IQGAP2: variants seen among roughly 807,000 people sequenced by gnomAD.
IQGAP2 encodes IQ motif containing GTPase activating protein 2.
A neutral mutation model predicts 201.3 loss-of-function variants in IQGAP2; 173 were observed. The ratio of observed to expected loss-of-function variants is 0.86; its 90% CI spans 0.76 to 0.98. IQGAP2 has a LOEUF of 0.98. Among genes scored for constraint, IQGAP2 ranks in the 50% least tolerant of loss-of-function variants. The pLI is 0.00. For missense variants in IQGAP2, 1,687 were observed against 1,864.8 expected (o/e 0.90, Z 1.76); for synonymous variants, 675 against 673.9 (o/e 1.00, Z -0.03).
chr5:76,553,073 G>T (rs1344032916), intron 2 of IQGAP2, among the ~76,000 whole-genome samples: 1 of 152,148 alleles, frequency 6.6e-6, no homozygotes, highest in Non-Finnish European at 1.5e-5. Context: ...GTTTTGCAGG[G>T]TGGGTTCCTA....
At chr5:76,503,853 A>G (rs1273232641) in intron 2 of IQGAP2, among the ~76,000 whole-genome samples, 1 of 152,144 alleles carries the variant, frequency 6.6e-6, no homozygotes, top group Non-Finnish European at 1.5e-5. Context: ...TCAGCCTCCC[A>G]AAGTGCTGGG....
At chr5:76,512,117 G>A (rs1758004193) in intron 2 of IQGAP2, among the ~76,000 whole-genome samples, 1 of 152,152 alleles carries the variant, frequency 6.6e-6, no homozygotes, top group Non-Finnish European at 1.5e-5. Flanking sequence ...TGCAGTAACA[G>A]GGAAACTGAG....
intron 20 of IQGAP2, among the ~76,000 whole-genome samples, chr5:76,657,716 A>G (rs907923355): frequency 6.6e-6 from 1 of 152,152 alleles, no homozygotes; most frequent in Non-Finnish European, 1.5e-5. Context: ...TTTTTCCAAG[A>G]GTCAGAGTGC....
chr5:76,592,881 T>G lies in IQGAP2; in HGVS notation c.863T>G (p.Leu288Arg). The G allele has an allele frequency of 6.2e-7, 1 of 1,612,956 alleles. No homozygotes were observed. The change falls in exon 9 of 36, where the codon CTG becomes CGG. Residue 288 changes from leucine to arginine, a missense_variant. Coordinates refer to ENST00000274364, the MANE Select transcript of IQGAP2 (RefSeq NM_006633.5). ...SEEERDAYEELLTQAEIQGNI... is the reference protein window; with the variant it reads ...SEEERDAYEERLTQAEIQGNI... ...GAAGAAAGAGATGCTTATGAAGAACTGCTGACACAAGCAGAAATCCAAGGC... is the reference window on the plus strand; with the variant it reads ...GAAGAAAGAGATGCTTATGAAGAACGGCTGACACAAGCAGAAATCCAAGGC...
intron 1 of IQGAP2, among the ~76,000 whole-genome samples, chr5:76,405,682 A>G (rs1159098348): frequency 6.6e-6 from 1 of 152,154 alleles, no homozygotes; most frequent in Non-Finnish European, 1.5e-5. Flanking sequence ...GAAGAGGGCT[A>G]TTTGGTGTGT....
At chr5:76,444,109 G>A (rs749647338) in intron 1 of IQGAP2, among the ~76,000 whole-genome samples, 5 of 152,096 alleles carry the variant, frequency 3.3e-5, no homozygotes, top group Non-Finnish European at 7.4e-5. Context: ...CAATAGGCTG[G>A]GTGCGATGGC....
intron 14 of IQGAP2, 102 bp downstream of exon 14, chr5:76,627,602 C>G: frequency 1.4e-6 from 1 of 720,180 alleles, no homozygotes. Flanking sequence ...GGATTCTTAC[C>G]AAGTTTTAGT....
chr5:76,663,233 T>TAG (rs1015223649), intron 21 of IQGAP2, among the ~76,000 whole-genome samples: 8 of 152,170 alleles, frequency 5.3e-5, no homozygotes, highest in Admixed American at 5.2e-4. Flanking sequence ...GCCAGGGTGA[T>TAG]AGACGCTGGT....
At chr5:76,434,280 G>A (rs1435807170) in intron 1 of IQGAP2, among the ~76,000 whole-genome samples, 1 of 152,118 alleles carries the variant, frequency 6.6e-6, no homozygotes, top group East Asian at 1.9e-4. Flanking sequence ...GATTTTTAGT[G>A]TGCTTGTCAC....
At chr5:76,697,245 T>C (rs573057671) in intron 32 of IQGAP2, among the ~76,000 whole-genome samples, 6 of 152,332 alleles carry the variant, frequency 3.9e-5, no homozygotes, top group Non-Finnish European at 8.8e-5. Flanking sequence ...TTGGGAAATA[T>C]TTGTCAGATG....
chr5:76,656,913 T>TA (rs1742792574), intron 20 of IQGAP2, among the ~76,000 whole-genome samples: 1 of 152,168 alleles, frequency 6.6e-6, no homozygotes, highest in South Asian at 2.1e-4. Flanking sequence ...AAAAATAACT[T>TA]TTCTAAGTTT....
intron 35 of IQGAP2, among the ~76,000 whole-genome samples, chr5:76,703,012 G>A (rs1252416298): frequency 7.2e-5 from 10 of 137,966 alleles, no homozygotes; most frequent in African/African-American, 2.7e-4. Flanking sequence ...TTTGTGGGGG[G>A]AGGGGGTGGG....
chr5:76,430,193 C>CAAAATTAA (rs1752286358), intron 1 of IQGAP2, among the ~76,000 whole-genome samples: 1 of 152,120 alleles, frequency 6.6e-6, no homozygotes. Flanking sequence ...GGAATAAAAC[C>CAAAATTAA]ACCACCATCT....
chr5:76,544,198 C>T lies in IQGAP2; in HGVS notation c.147-18198C>T, dbSNP rs1405422640. Among the ~76,000 whole-genome samples, 3 of 152,178 alleles carry T rather than the reference C, an allele frequency of 2.0e-5. No individual in the cohort carries two copies. The Middle Eastern group carries it at 9.5e-3, about 482-fold the overall frequency. On this transcript the variant is annotated intron_variant, in intron 2 of 35. Transcript: ENST00000274364. ...CTGCTCTGACCAAAAAGCTGGCAGA[C>T]AGTAAATAAACTGACTTCTAAGATA...
At chr5:76,600,463 T>A (rs1231249871) in intron 10 of IQGAP2, among the ~76,000 whole-genome samples, 1 of 152,202 alleles carries the variant, frequency 6.6e-6, no homozygotes, top group Admixed American at 6.5e-5. Context: ...GCACTCTCAG[T>A]CAGTGACAAT....
At chr5:76,686,120 T>G (rs1201588775) in intron 30 of IQGAP2, among the ~76,000 whole-genome samples, 1 of 152,218 alleles carries the variant, frequency 6.6e-6, no homozygotes, top group African/African-American at 2.4e-5. Context: ...TGGAGAAATG[T>G]CTATTTAACT....
At chr5:76,627,714 A>G (rs1440228006) in intron 14 of IQGAP2, among the ~76,000 whole-genome samples, 4 of 152,258 alleles carry the variant, frequency 2.6e-5, no homozygotes, top group Non-Finnish European at 4.4e-5. Flanking sequence ...CAAAATCCAG[A>G]AGGTAAAAAA....
In IQGAP2 at chr5:76,589,636, G is replaced by T. The variant is rs1431927304; in HGVS notation, c.548G>T (p.Arg183Ile). ...DFTEEEISNM[R>I]KELEKYGIQM... ...TTAGAGGAGGAAATCAGTAATATGA[G>T]AAAAGAACTTGAGAAATATGGAATA... is the stretch of plus-strand genomic sequence containing the variant. Residue 183 changes from arginine (R) to isoleucine (I), a missense_variant, in exon 7 of 36, where the codon AGA becomes ATA. By Grantham distance (97) the Arg-to-Ile change is moderately conservative (BLOSUM62 -3). Transcript: ENST00000274364. 1.3e-6 allele frequency: 2 copies of T among 1,599,620 alleles called. No individual in the cohort carries two copies. Among genetic ancestry groups the T allele is most frequent in the Non-Finnish European group, 1.7e-6 (2 of 1,171,334 alleles).
rs765646425 is a variant in IQGAP2, at chr5:76,403,613, G to A, written c.46+22G>A. On this transcript the variant is annotated intron_variant, in intron 1 of 35. Transcript: ENST00000274364. The surrounding 1 kb of genome is among the most constrained non-coding windows in gnomAD (Gnocchi z 4.8). ...GGCTGTAAGTGCGCCGGGCGCGCGG[G>A]GTTCCTGCTGGCCTTGGGGAGCTCC... The A allele has an allele frequency of 1.3e-6, 2 of 1,516,604 alleles. No homozygotes were observed. The highest frequency in any genetic ancestry group is 1.2e-5 in the South Asian group (1 of 81,054). 93.9% of individuals were successfully genotyped at this position (1,516,604 alleles called of 1,614,324 possible). A position where few individuals can be genotyped will look rare whatever the true frequency, so the allele number is the denominator to read the frequency against.
Sources: gnomAD v4.1 joint callset for allele counts (sites outside exome capture counted in the v4.1 genomes callset) on GRCh38, gnomAD v4.1.1 for gene constraint, Gnocchi (gnomAD v3.1) non-coding constraint, MANE v1.5 for transcripts, NCBI Gene and HGNC (gene_info 2026-07-23, HGNC 2026-07-21) for gene names.